The following ALS2 variants were observed in gnomAD, a reference collection of about 807,000 sequenced individuals.
ALS2 encodes the protein alsin.
Under a neutral mutation model 203.4 loss-of-function variants are expected in ALS2, and 117 were observed. The ratio of observed to expected loss-of-function variants is 0.58; its 90% CI spans 0.50 to 0.67. The LOEUF is 0.67. Ranked by LOEUF, ALS2 falls within the 30% of genes least tolerant of loss-of-function variation. ALS2 has a pLI of 0.00. For synonymous variants in ALS2, 718 were observed against 725.9 expected (o/e 0.99, Z 0.17); for missense variants, 1,715 against 1,989.4 (o/e 0.86, Z 2.62).
chr2:201,739,731 G>A (rs1436728642), intron 11 of ALS2, among the ~76,000 whole-genome samples: 5 of 140,364 alleles, frequency 3.6e-5, no homozygotes, highest in Admixed American at 7.4e-5. Context: ...CAACAAGAGC[G>A]AAACTCCAGC....
chr2:201,720,084 G>C (rs1338325514), intron 23 of ALS2: 1 of 398,650 alleles, frequency 2.5e-6, no homozygotes, highest in East Asian at 9.0e-5. Context: ...GAAAATAGGG[G>C]AGGAGGGAAC....
intron 1 of ALS2, among the ~76,000 whole-genome samples, chr2:201,771,110 G>A (rs954440950): frequency 1.4e-5 from 2 of 142,254 alleles, no homozygotes; most frequent in East Asian, 2.1e-4. Flanking sequence ...GCAATGGCAC[G>A]CTCTCGGTTC....
Position 201,717,973 on chromosome 2 carries a change from C to T in ALS2, c.3836+104G>A. ...AAATAAAATAAAATAAAAAAGAAGACTTTAAGAACTTGACTTTGCTTTTAA... is the reference window on the plus strand; with the variant it reads ...AAATAAAATAAAATAAAAAAGAAGATTTTAAGAACTTGACTTTGCTTTTAA... On this transcript the variant is annotated intron_variant, in intron 24 of 33. Coordinates refer to ENST00000264276, the MANE Select transcript of ALS2 (RefSeq NM_020919.4). 4 of 1,176,608 alleles carry T rather than the reference C, an allele frequency of 3.4e-6. No homozygotes were observed. The South Asian group carries it at 4.3e-5, about 13-fold the overall frequency. The allele number at this position is 1,176,608 out of a possible 1,614,324, so 72.9% of individuals were successfully genotyped here. A position where few individuals can be genotyped will look rare whatever the true frequency, so the allele number is the denominator to read the frequency against.
intron 14 of ALS2, 49 bp downstream of exon 14, chr2:201,729,003 A>C: frequency 1.2e-6 from 2 of 1,613,718 alleles, no homozygotes; most frequent in African/African-American, 2.7e-5. Context: ...ATTGTTATCG[A>C]AATGGTTGCT....
intron 24 of ALS2, among the ~76,000 whole-genome samples, chr2:201,717,858 T>C (rs1460308652): frequency 2.6e-5 from 4 of 151,892 alleles, no homozygotes. Context: ...GAGGATCACG[T>C]GAACCCAGGA....
At position 201,704,051 on chromosome 2, in the gene ALS2, TG is replaced by T. The variant is rs1489319083; in HGVS notation, c.4935+70del. On this transcript the variant is annotated intron_variant, in intron 33 of 33. Transcript: ENST00000264276. ...ACTTTTATACAAAAAAAGTGGTTAA[TG>T]GCATTTATAATATGGTAAATGAAAG... 6.6e-6 allele frequency: 9 copies of T among 1,373,580 alleles called. No individual in the cohort carries two copies. The Admixed American group carries it at 1.7e-4, about 25-fold the overall frequency. The allele number at this position is 1,373,580 out of a possible 1,614,324, so 85.1% of individuals were successfully genotyped here.
chr2:201,726,340 T>TC, intron 19 of ALS2, 144 bp downstream of exon 19: 6 of 785,944 alleles, frequency 7.6e-6, no homozygotes, highest in Non-Finnish European at 1.1e-5. Flanking sequence ...CTCCTGGCTC[T>TC]CTTCATGCTC....
chr2:201,738,527 A>T, intron 12 of ALS2, 143 bp downstream of exon 12: 2 of 785,520 alleles, frequency 2.5e-6, no homozygotes, highest in Non-Finnish European at 4.3e-6. Context: ...CCTGTCCTTT[A>T]TAAGACTTAC....
At chr2:201,746,277 C>A (rs937041502) in intron 9 of ALS2, among the ~76,000 whole-genome samples, 1 of 152,106 alleles carries the variant, frequency 6.6e-6, no homozygotes, top group African/African-American at 2.4e-5. Flanking sequence ...ATGTACTATG[C>A]TACAGCAGTG....
intron 12 of ALS2, 189 bp downstream of exon 12, chr2:201,738,481 C>A: frequency 3.3e-6 from 2 of 612,194 alleles, no homozygotes; most frequent in Admixed American, 2.8e-5. Context: ...TTTTCAATAG[C>A]ATACTACTTA....
chr2:201,777,577 T>C (rs764159443), intron 1 of ALS2, among the ~76,000 whole-genome samples: 83 of 152,266 alleles, frequency 5.5e-4, no homozygotes, highest in Non-Finnish European at 1.0e-3. Flanking sequence ...TTTTAACACA[T>C]ATTAACATAT....
Position 201,701,679 on chromosome 2 carries a change from C to G in ALS2, c.*172G>C. On this transcript the variant is annotated 3_prime_UTR_variant, in exon 34 of 34. Coordinates refer to ENST00000264276, the MANE Select transcript of ALS2 (RefSeq NM_020919.4). ...CAATCCTCCCTTTAAACTATACAGT[C>G]CTTTTTTCTGGGCTCAGGGCTCTTA... The G allele has an allele frequency of 6.1e-6, 4 of 653,712 alleles. No homozygotes were observed. Among genetic ancestry groups the G allele is most frequent in the Non-Finnish European group, 1.1e-5 (4 of 366,642 alleles). 40.5% of individuals were successfully genotyped at this position (653,712 alleles called of 1,614,324 possible).
At chr2:201,755,212 C>T (rs969070274) in intron 5 of ALS2, among the ~76,000 whole-genome samples, 4 of 152,120 alleles carry the variant, frequency 2.6e-5, no homozygotes, top group Admixed American at 6.5e-5. Context: ...GTTATGACTA[C>T]ATCTGTGAAT....
At chr2:201,737,931 A>AG (rs1485980443) in intron 12 of ALS2, among the ~76,000 whole-genome samples, 1 of 152,186 alleles carries the variant, frequency 6.6e-6, no homozygotes, top group African/African-American at 2.4e-5. Flanking sequence ...CAAAAAAAAA[A>AG]AAGCAAACAT....
chr2:201,754,481 G>A (rs369882998), intron 6 of ALS2, 22 bp downstream of exon 6: 134 of 1,613,866 alleles, frequency 8.3e-5, no homozygotes, highest in Admixed American at 1.7e-4. Context: ...AACTTCTATC[G>A]GTAAATGTTG....
chr2:201,726,579 G>A, intron 18 of ALS2, 30 bp from the exon 19 acceptor site: 1 of 1,607,236 alleles, frequency 6.2e-7, no homozygotes, highest in Non-Finnish European at 8.5e-7. Flanking sequence ...AATAATGCAT[G>A]TCAACTAATA....
Position 201,746,683 on chromosome 2 carries a change from A to G in ALS2, c.1881T>C (p.Asp627=), listed in dbSNP as rs778592953. 6.2e-7 allele frequency: 1 copy of G among 1,614,168 alleles called. No homozygotes were observed. Among genetic ancestry groups the G allele is most frequent in the South Asian group, 1.1e-5 (1 of 91,088 alleles). The change falls in exon 9 of 34, where the codon GAT becomes GAC. Residue 627 remains aspartate, a synonymous_variant. Coordinates refer to ENST00000264276, the MANE Select transcript of ALS2 (RefSeq NM_020919.4). ...ATAACCCAGGCTGGAAGTCTTCTGT[A>G]TCCACTAAAAACAGGGAATAATCCC... is the stretch of plus-strand genomic sequence containing the variant. ...AGRDYSLFLV[D]TEDFQPGLYY...
rs1410011701 is a variant in ALS2, at chr2:201,757,312, AG to A, written c.1471+89del. ...ATTTGAATATGTCAGCTTCATAATT[AG>A]GACAGCTTTTTTAATAATACAGCAT... On this transcript the variant is annotated intron_variant, in intron 5 of 33. Coordinates refer to ENST00000264276, the MANE Select transcript of ALS2 (RefSeq NM_020919.4). 16 of 1,063,842 alleles carry A rather than the reference AG, an allele frequency of 1.5e-5. No individual in the cohort carries two copies. The Admixed American group carries it at 2.8e-4, about 19-fold the overall frequency. The allele number at this position is 1,063,842 out of a possible 1,614,324, so 65.9% of individuals were successfully genotyped here.
chr2:201,733,200 G>T, intron 13 of ALS2, 76 bp downstream of exon 13: 1 of 1,451,656 alleles, frequency 6.9e-7, no homozygotes, highest in Non-Finnish European at 9.6e-7. Context: ...TCCAGATCTT[G>T]TGGTGGCATA....
Sources: gnomAD v4.1 joint callset for allele counts (sites outside exome capture counted in the v4.1 genomes callset) on GRCh38, gnomAD v4.1.1 for gene constraint, MANE v1.5 for transcripts, NCBI Gene and HGNC (gene_info 2026-07-23, HGNC 2026-07-21) for gene names.